The following PCDHGB7 variants were observed in gnomAD, a reference collection of about 807,000 sequenced individuals.
The protein encoded by PCDHGB7 is protocadherin gamma-B7.
Under a neutral mutation model 61.4 loss-of-function variants are expected in PCDHGB7, and 37 were observed. That is an observed-to-expected ratio of 0.60 (90% CI 0.46 to 0.79). PCDHGB7 has a LOEUF of 0.79. Ranked by LOEUF, PCDHGB7 falls within the 30% of genes least tolerant of loss-of-function variation. The pLI is 0.00. For synonymous variants in PCDHGB7, 464 were observed against 503.5 expected, an observed-to-expected ratio of 0.92 and a Z score of 1.05; for missense variants, 1,166 against 1,202.5, an observed-to-expected ratio of 0.97 and a Z score of 0.45.
rs1193497090 is a variant in PCDHGB7 at position 141,485,890 on chromosome 5, C to T, written c.2416-8917C>T. On this transcript the variant is annotated intron_variant, in intron 1 of 3. Coordinates refer to ENST00000398594, the MANE Select transcript of PCDHGB7 (RefSeq NM_018927.4). This position sits in a 1 kb window ranked among gnomAD's most constrained non-coding sequence, Gnocchi z 5.7. ...CCGTGCTGGACGTAAACGACAACGC[C>T]CCAGCCTTCCAGCAATCCAGCTACA... The T allele has an allele frequency of 6.2e-6, 10 of 1,614,156 alleles. No homozygotes were observed. Among genetic ancestry groups the T allele is most frequent in the Non-Finnish European group, 6.8e-6 (8 of 1,180,022 alleles).
chr5:141,436,267 T>C (rs2097805427), intron 1 of PCDHGB7, among the ~76,000 whole-genome samples: 1 of 152,198 alleles, frequency 6.6e-6, no homozygotes, highest in South Asian at 2.1e-4. Flanking sequence ...TCTGCTCACC[T>C]AACTTGATTT....
At chr5:141,437,944 G>A (rs576107104) in intron 1 of PCDHGB7, among the ~76,000 whole-genome samples, 1 of 152,178 alleles carries the variant, frequency 6.6e-6, no homozygotes, top group South Asian at 2.1e-4. Flanking sequence ...CACCATATTG[G>A]CCAGAATGGT....
rs2097422953 is a variant in PCDHGB7 at position 141,431,840 on chromosome 5, C to A, written c.2415+11566C>A. The A allele has an allele frequency of 1.9e-6, 3 of 1,614,248 alleles. No homozygotes were observed. The highest frequency in any genetic ancestry group is 1.6e-4 in the Middle Eastern group (1 of 6,062). ...CGCCAGCTCGGTTCCCGAAAACTCT[C>A]CCAGAGGGACATTAATTGCCCTTTT... On this transcript the variant is annotated intron_variant, in intron 1 of 3. Transcript: ENST00000398594. The surrounding 1 kb of genome is among the most constrained non-coding windows in gnomAD (Gnocchi z 4.8).
chr5:141,427,425 AC>A (rs1184817093), intron 1 of PCDHGB7: 2 of 469,034 alleles, frequency 4.3e-6, no homozygotes, highest in Non-Finnish European at 8.5e-6. Flanking sequence ...TGGGGAGGTT[AC>A]ATGCCTCATA....
chr5:141,447,389 C>T (rs1467715872), intron 1 of PCDHGB7, among the ~76,000 whole-genome samples: 1 of 152,150 alleles, frequency 6.6e-6, no homozygotes, highest in African/African-American at 2.4e-5. Context: ...CTGCCCACCT[C>T]GGCCTCCCAA....
intron 1 of PCDHGB7, chr5:141,478,852 A>G (rs2099480601): frequency 7.3e-7 from 1 of 1,367,502 alleles, no homozygotes; most frequent in African/African-American, 1.5e-5. Flanking sequence ...GCTAAAACAC[A>G]AGATCTCAGC....
chr5:141,490,730 A>C lies in PCDHGB7; in HGVS notation c.2416-4077A>C. On this transcript the variant is annotated intron_variant, in intron 1 of 3. Coordinates refer to ENST00000398594, the MANE Select transcript of PCDHGB7 (RefSeq NM_018927.4). This position sits in a 1 kb window ranked among gnomAD's most constrained non-coding sequence, Gnocchi z 5.4. ...CTCACCTACTCCATTGTAGGAAATC[A>C]GGTTCAGGGAGCCCCAGCCTCCTCC... 6.2e-7 allele frequency: 1 copy of C among 1,614,188 alleles called. No homozygotes were observed. Among genetic ancestry groups the C allele is most frequent in the Non-Finnish European group, 8.5e-7 (1 of 1,180,024 alleles).
rs561122870 is a variant in PCDHGB7 at position 141,439,444 on chromosome 5, C to T, written c.2415+19170C>T. On this transcript the variant is annotated intron_variant, in intron 1 of 3. Transcript: ENST00000398594. ...ATAAATTCCCAGGAATATTTTATTG[C>T]GGGAGCAAGACTGCACTGCTGCCTT... Among the ~76,000 whole-genome samples the T allele has an allele frequency of 3.0e-4, 46 of 152,264 alleles. 1 individual carries two copies. The South Asian group carries it at 6.2e-3, about 21-fold the overall frequency.
In PCDHGB7 at chr5:141,489,200, G is replaced by A. The variant is rs1483035320; in HGVS notation, c.2416-5607G>A. The A allele has an allele frequency of 2.8e-6, 4 of 1,412,792 alleles. No individual in the cohort carries two copies. The highest frequency in any genetic ancestry group is 3.9e-6 in the Non-Finnish European group (4 of 1,038,374). The allele number at this position is 1,412,792 out of a possible 1,614,324, so 87.5% of individuals were successfully genotyped here. A position where few individuals can be genotyped will look rare whatever the true frequency, so the allele number is the denominator to read the frequency against. On this transcript the variant is annotated intron_variant, in intron 1 of 3. Coordinates refer to ENST00000398594, the MANE Select transcript of PCDHGB7 (RefSeq NM_018927.4). This position sits in a 1 kb window ranked among gnomAD's most constrained non-coding sequence, Gnocchi z 4.5. ...AAGCCCTGGGTCTACCTTGGAGACAGGACAGCACAGACTTACTCTCCACAA... is the reference window on the plus strand; with the variant it reads ...AAGCCCTGGGTCTACCTTGGAGACAAGACAGCACAGACTTACTCTCCACAA...
rs567174433 is a variant in PCDHGB7, at chr5:141,443,351, G to A, written c.2415+23077G>A. On this transcript the variant is annotated intron_variant, in intron 1 of 3. Coordinates refer to ENST00000398594, the MANE Select transcript of PCDHGB7 (RefSeq NM_018927.4). ...AAAACAAAAATTAACAAGGTTTAGT[G>A]GTCCATGCCTGTGGTCTCAGCTACT... 6.6e-5 allele frequency among the ~76,000 whole-genome samples: 10 copies of A among 152,072 alleles called. No homozygotes were observed. The South Asian group carries it at 2.1e-3, about 32-fold the overall frequency.
intron 1 of PCDHGB7, chr5:141,427,785 TC>T: frequency 6.8e-7 from 1 of 1,470,156 alleles, no homozygotes; most frequent in Non-Finnish European, 9.4e-7. Flanking sequence ...GGCACTGTCG[TC>T]CTACGTGTCC....
At chr5:141,438,595 T>C (rs11949887) in intron 1 of PCDHGB7, among the ~76,000 whole-genome samples, 1,254 of 57,838 alleles carry the variant, frequency 0.022, 9 homozygotes, top group Non-Finnish European at 0.023. Flanking sequence ...TACATACATA[T>C]ATATATATAT....
At chr5:141,438,710 G>C (rs568772648) in intron 1 of PCDHGB7, among the ~76,000 whole-genome samples, 2 of 147,308 alleles carry the variant, frequency 1.4e-5, no homozygotes, top group South Asian at 4.3e-4. Context: ...ACCCAGGCTG[G>C]AGTGCAAGTG....
intron 1 of PCDHGB7, among the ~76,000 whole-genome samples, chr5:141,488,510 G>A (rs910546464): frequency 1.3e-5 from 2 of 152,152 alleles, no homozygotes; most frequent in Non-Finnish European, 2.9e-5. Context: ...TCCACATTTG[G>A]GGTCTGGGGT....
chr5:141,505,362 G>A (rs766427680), intron 2 of PCDHGB7, 31 bp from the exon 3 acceptor site: 1 of 1,613,966 alleles, frequency 6.2e-7, no homozygotes, highest in Non-Finnish European at 8.5e-7. Flanking sequence ...CGGCCTGGGA[G>A]TCTGTGCTCA....
chr5:141,438,308 C>G (rs2097949954), intron 1 of PCDHGB7, among the ~76,000 whole-genome samples: 1 of 151,766 alleles, frequency 6.6e-6, no homozygotes, highest in Non-Finnish European at 1.5e-5. Context: ...GAAGTTGGTA[C>G]CACCATAATT....
In PCDHGB7 at chr5:141,431,304, T is replaced by G. The variant is rs749116196; in HGVS notation, c.2415+11030T>G. The G allele has an allele frequency of 7.4e-6, 12 of 1,614,104 alleles. No individual in the cohort carries two copies. Among genetic ancestry groups the G allele is most frequent in the Non-Finnish European group, 9.3e-6 (11 of 1,180,030 alleles). On this transcript the variant is annotated intron_variant, in intron 1 of 3. Coordinates refer to ENST00000398594, the MANE Select transcript of PCDHGB7 (RefSeq NM_018927.4). The surrounding 1 kb of genome is among the most constrained non-coding windows in gnomAD (Gnocchi z 4.8). ...CCGAACACTCACTTCTCCCTCATCGTGCAAAATGGAGCCGACGGTAGTAAG... is the reference window on the plus strand; with the variant it reads ...CCGAACACTCACTTCTCCCTCATCGGGCAAAATGGAGCCGACGGTAGTAAG...
rs1209026046 is a variant in PCDHGB7 at position 141,418,282 on chromosome 5, A to T, written c.423A>T (p.Glu141Asp). 2 of 1,614,030 alleles carry T rather than the reference A, an allele frequency of 1.2e-6. No homozygotes were observed. Among genetic ancestry groups the T allele is most frequent in the Non-Finnish European group, 1.7e-6 (2 of 1,179,884 alleles). The change falls in exon 1 of 4, where the codon GAA (glutamate) becomes GAT (aspartate). Residue 141 changes from glutamate to aspartate, a missense_variant. Coordinates refer to ENST00000398594, the MANE Select transcript of PCDHGB7 (RefSeq NM_018927.4). The part of the protein sequence containing the change: ...PQFRKDEINL[E>D]ISESVSLGMG... Reference sequence around the variant, plus strand: ...TCCGGAAAGATGAAATAAACTTAGAAATCAGTGAATCCGTCAGCCTGGGGA... The same window carrying T: ...TCCGGAAAGATGAAATAAACTTAGATATCAGTGAATCCGTCAGCCTGGGGA...
chr5:141,451,428 G>T (rs552096051), intron 1 of PCDHGB7, among the ~76,000 whole-genome samples: 17 of 152,166 alleles, frequency 1.1e-4, no homozygotes, highest in Non-Finnish European at 2.1e-4. Context: ...TTAGACTAAG[G>T]GTTCCAGTTC....
Sources: gnomAD v4.1 joint callset for allele counts (sites outside exome capture counted in the v4.1 genomes callset) on GRCh38, gnomAD v4.1.1 for gene constraint, Gnocchi (gnomAD v3.1) non-coding constraint, MANE v1.5 for transcripts, NCBI Gene and HGNC (gene_info 2026-07-23, HGNC 2026-07-21) for gene names.